Variants in CENPP observed in about 807,000 individuals in gnomAD.
CENPP encodes the protein centromere protein P.
A neutral mutation model predicts 35.6 loss-of-function variants in CENPP; 24 were observed. The ratio of observed to expected loss-of-function variants is 0.67; its 90% confidence interval spans 0.49 to 0.95. The LOEUF (loss-of-function observed/expected upper bound fraction) is 0.95. CENPP is among the 40% of genes least tolerant of loss of function. The probability of loss-of-function intolerance (pLI) is 0.00; values close to 1 mark genes in which losing one functional copy is unlikely to be tolerated. For synonymous variants in CENPP, 120 were observed against 125.5 expected, an observed-to-expected ratio of 0.96 and a Z score of 0.29; for missense variants, 332 against 345.3, an observed-to-expected ratio of 0.96 and a Z score of 0.31.
intron 5 of CENPP, among the ~76,000 whole-genome samples, chr9:92,483,314 T>C (rs1233630590): frequency 3.9e-5 from 6 of 151,964 alleles, no homozygotes; most frequent in Non-Finnish European, 5.9e-5. Context: ...CTGCAAGCTC[T>C]GCCTCCCAGG....
chr9:92,559,140 G>A (rs1268589031), intron 5 of CENPP, among the ~76,000 whole-genome samples: 1 of 152,182 alleles, frequency 6.6e-6, no homozygotes, highest in African/African-American at 2.4e-5. Context: ...TGGCCAGGAG[G>A]CTTCTTGTCC....
At position 92,603,624 on chromosome 9, in the gene CENPP, G is replaced by A. The variant is rs115423574; in HGVS notation, c.565-7690G>A. 8.9e-3 allele frequency among the ~76,000 whole-genome samples: 1,357 copies of A among 152,008 alleles called. 22 individuals are homozygous for A. Among genetic ancestry groups the A allele is most frequent in the African/African-American group, 0.031 (1,268 of 41,426 alleles). ...CACCTTCCTGCCTACACTCAGCTCT[G>A]ATCACCCCCGACACACCTCTCCTGC... On this transcript the variant is annotated intron_variant, in intron 5 of 7. Transcript: ENST00000375587.
At chr9:92,390,114 T>C in intron 5 of CENPP, 1 of 976,544 alleles carries the variant, frequency 1.0e-6, no homozygotes, top group East Asian at 2.4e-5. Context: ...TTGTATGGAC[T>C]GAAGAAAAGC....
intron 4 of CENPP, among the ~76,000 whole-genome samples, chr9:92,348,010 G>C (rs891297906): frequency 2.0e-5 from 3 of 152,004 alleles, no homozygotes; most frequent in African/African-American, 7.3e-5. Flanking sequence ...TGCAACCTCT[G>C]CCTCCCAAGT....
At chr9:92,454,217 A>G (rs1002121813) in intron 5 of CENPP, among the ~76,000 whole-genome samples, 6 of 152,220 alleles carry the variant, frequency 3.9e-5, no homozygotes, top group Non-Finnish European at 7.3e-5. Context: ...TAAAACCAAA[A>G]ATGGCTAACA....
chr9:92,554,128 A>G (rs1033421148), intron 5 of CENPP, among the ~76,000 whole-genome samples: 1 of 151,318 alleles, frequency 6.6e-6, no homozygotes, highest in African/African-American at 2.4e-5. Context: ...GCGATGCTGG[A>G]TTTTGTTGAA....
intron 5 of CENPP, among the ~76,000 whole-genome samples, chr9:92,446,720 A>C (rs1254624782): frequency 6.6e-6 from 1 of 152,060 alleles, no homozygotes; most frequent in Non-Finnish European, 1.5e-5. Flanking sequence ...AAAGATGACT[A>C]ACACACAGTC....
In CENPP at chr9:92,551,953, G is replaced by T. The variant is rs1053853204; in HGVS notation, c.565-59361G>T. Among the ~76,000 whole-genome samples the T allele has an allele frequency of 1.6e-4, 17 of 108,108 alleles. 1 individual carries two copies. The highest frequency in any genetic ancestry group is 3.5e-4 in the African/African-American group (8 of 22,910). The allele number at this position is 108,108 out of a possible 152,430, so 70.9% of individuals were successfully genotyped here. A position where few individuals can be genotyped will look rare whatever the true frequency, so the allele number is the denominator to read the frequency against. On this transcript the variant is annotated intron_variant, in intron 5 of 7. Coordinates refer to ENST00000375587, the MANE Select transcript of CENPP (RefSeq NM_001012267.3). ...TATATATATATATATATATATATAT[G>T]ATATATATATGTGTGATATATATGT...
chr9:92,452,936 G>A (rs55799607), intron 5 of CENPP, among the ~76,000 whole-genome samples: 45,310 of 151,764 alleles, frequency 0.3, 8,415 homozygotes, highest in Non-Finnish European at 0.42. Context: ...CTGTGGGATC[G>A]GTGGTGATAT....
rs1306530549 is a variant in CENPP, at chr9:92,614,533, T to C, written c.*1384T>C. 1.3e-5 allele frequency: 2 copies of C among 152,632 alleles called. No homozygotes were observed. Among genetic ancestry groups the C allele is most frequent in the Non-Finnish European group, 2.9e-5 (2 of 68,038 alleles). 9.5% of individuals were successfully genotyped at this position (152,632 alleles called of 1,614,324 possible). A position where few individuals can be genotyped will look rare whatever the true frequency, so the allele number is the denominator to read the frequency against. ...AGAATTAGAAGTAAATATGACAGAA[T>C]TGAACAATAAATTCTAGAAGAGTTG... On this transcript the variant is annotated 3_prime_UTR_variant, in exon 8 of 8. Coordinates refer to ENST00000375587, the MANE Select transcript of CENPP (RefSeq NM_001012267.3).
chr9:92,350,377 T>A (rs906117758), intron 4 of CENPP, among the ~76,000 whole-genome samples: 1 of 152,232 alleles, frequency 6.6e-6, no homozygotes, highest in African/African-American at 2.4e-5. Context: ...AAAATTTCTT[T>A]CTATATGGAA....
intron 4 of CENPP, among the ~76,000 whole-genome samples, chr9:92,353,720 C>T (rs1172545983): frequency 2.0e-5 from 3 of 152,142 alleles, no homozygotes; most frequent in African/African-American, 7.2e-5. Context: ...GGAACTAAGA[C>T]CTCTAGGCCA....
intron 5 of CENPP, among the ~76,000 whole-genome samples, chr9:92,578,286 A>G (rs1288925348): frequency 1.3e-5 from 2 of 152,112 alleles, no homozygotes; most frequent in African/African-American, 2.4e-5. Context: ...TTATAGCAGC[A>G]TGATTTATAG....
intron 4 of CENPP, among the ~76,000 whole-genome samples, chr9:92,357,461 C>T (rs1307176960): frequency 7.0e-6 from 1 of 143,474 alleles, no homozygotes; most frequent in Non-Finnish European, 1.5e-5. Context: ...TCATCTCCCT[C>T]ATTATTATTA....
chr9:92,561,836 G>A lies in CENPP; in HGVS notation c.565-49478G>A, dbSNP rs141214461. 3.3e-4 allele frequency among the ~76,000 whole-genome samples: 50 copies of A among 152,274 alleles called. No homozygotes were observed. The East Asian group carries it at 4.2e-3, about 13-fold the overall frequency. The stretch of plus-strand genomic sequence containing the variant: ...CAATATGAATGAGCACCTACTGGCT[G>A]CCAGATGCCTGGTTCTTTGCTAGGC... On this transcript the variant is annotated intron_variant, in intron 5 of 7. Transcript: ENST00000375587.
At chr9:92,587,029 G>A (rs1280934302) in intron 5 of CENPP, among the ~76,000 whole-genome samples, 4 of 151,952 alleles carry the variant, frequency 2.6e-5, no homozygotes, top group African/African-American at 9.7e-5. Context: ...GGGAATGACA[G>A]AAATCATCTC....
In CENPP at chr9:92,593,192, G is replaced by A. The variant is rs967341419; in HGVS notation, c.565-18122G>A. 5.3e-5 allele frequency among the ~76,000 whole-genome samples: 8 copies of A among 152,230 alleles called. No homozygotes were observed. Among genetic ancestry groups the A allele is most frequent in the African/African-American group, 1.9e-4 (8 of 41,450 alleles). On this transcript the variant is annotated intron_variant, in intron 5 of 7. Coordinates refer to ENST00000375587, the MANE Select transcript of CENPP (RefSeq NM_001012267.3). This position sits in a 1 kb window ranked among gnomAD's most constrained non-coding sequence, Gnocchi z 4.1. ...CTGTGTGTAAGATGCTGAGAGTGCT[G>A]TGATGAGGTGAGCCAGCTCCTGGGC...
At chr9:92,597,310 C>T (rs1262020632) in intron 5 of CENPP, among the ~76,000 whole-genome samples, 1 of 152,080 alleles carries the variant, frequency 6.6e-6, no homozygotes, top group Non-Finnish European at 1.5e-5. Flanking sequence ...GGGCTCCAAA[C>T]GGGGTGGGGA....
Position 92,514,941 on chromosome 9 carries a change from T to A in CENPP, c.565-96373T>A, listed in dbSNP as rs536919590. Reference sequence around the variant, plus strand: ...CCTCTCCAGGCCTCTGCTTTCTGTCTCCTCCTCTGCTGTCCCCCTCACTGT... The same window carrying A: ...CCTCTCCAGGCCTCTGCTTTCTGTCACCTCCTCTGCTGTCCCCCTCACTGT... On this transcript the variant is annotated intron_variant, in intron 5 of 7. Transcript: ENST00000375587. 6.8e-6 allele frequency: 11 copies of A among 1,614,070 alleles called. No homozygotes were observed. In the East Asian group the frequency reaches 2.5e-4, roughly 36 times the overall value.
Sources: gnomAD v4.1 joint callset for allele counts (sites outside exome capture counted in the v4.1 genomes callset) on GRCh38, gnomAD v4.1.1 for gene constraint, Gnocchi (gnomAD v3.1) non-coding constraint, MANE v1.5 for transcripts, NCBI Gene and HGNC (gene_info 2026-07-23, HGNC 2026-07-21) for gene names.